EGF: variants seen among roughly 807,000 people sequenced by gnomAD.
EGF encodes pro-epidermal growth factor.
Under a neutral mutation model 143.8 loss-of-function variants are expected in EGF, and 95 were observed. The ratio of observed to expected loss-of-function variants is 0.66; its 90% CI spans 0.56 to 0.78. The LOEUF is 0.78. EGF is among the 30% of genes least tolerant of loss of function. The pLI, the probability that EGF is intolerant of heterozygous loss-of-function variation, is 0.00. For synonymous variants in EGF, 510 were observed against 510.5 expected (o/e 1.00, Z 0.01); for missense variants, 1,320 against 1,470.9 (o/e 0.90, Z 1.68).
rs186353388 is a variant in EGF at position 109,935,169 on chromosome 4, G to T, written c.128-5777G>T. ...ACTTTGGCAGTATGGCCATTTTCAC[G>T]ATATTGATTCTTCCTATCCATGAGC... On this transcript the variant is annotated intron_variant, in intron 1 of 23. Coordinates refer to ENST00000265171, the MANE Select transcript of EGF (RefSeq NM_001963.6). Among the ~76,000 whole-genome samples, 9 of 152,204 alleles carry T rather than the reference G, an allele frequency of 5.9e-5. No homozygotes were observed. In the East Asian group the frequency reaches 1.5e-3, roughly 26 times the overall value.
In EGF at chr4:109,975,933, A is replaced by G; in HGVS notation, c.1830-79A>G. On this transcript the variant is annotated intron_variant, in intron 12 of 23. Transcript: ENST00000265171. ...TTTAGTATATCATGAGGTAATTTAC[A>G]TTGATATTTTCAATGATGAAAGAAC... 6.2e-6 allele frequency: 9 copies of G among 1,459,908 alleles called. No homozygotes were observed. In the South Asian group the frequency reaches 1.0e-4, roughly 17 times the overall value. 90.4% of individuals were successfully genotyped at this position (1,459,908 alleles called of 1,614,324 possible).
intron 10 of EGF, among the ~76,000 whole-genome samples, chr4:109,968,262 C>T (rs1006826938): frequency 1.3e-5 from 2 of 152,080 alleles, no homozygotes; most frequent in Non-Finnish European, 2.9e-5. Context: ...TTAGCAAATA[C>T]CTAGTCTAAC....
Position 109,941,131 on chromosome 4 carries a change from G to T in EGF, c.313G>T (p.Gly105Trp). 1 of 1,613,890 alleles carries T rather than the reference G, an allele frequency of 6.2e-7. No homozygotes were observed. The highest frequency in any genetic ancestry group is 8.5e-7 in the Non-Finnish European group (1 of 1,179,918). ...ACTTTTGCAAAGAGTTTTTCTGAAT[G>T]GGTCAAGGCAAGAGGTAAAATACCC... ...RQLLQRVFLNGSRQERVCNIE... is the reference protein window; with the variant it reads ...RQLLQRVFLNWSRQERVCNIE... The change falls in exon 2 of 24, where the codon GGG (glycine) becomes TGG (tryptophan). Residue 105 changes from glycine (G) to tryptophan (W), a missense_variant. This residue lies in a region of EGF where 41 missense variants were observed against 38.1 expected (regional missense o/e 1.07). Transcript: ENST00000265171.
Position 109,913,088 on chromosome 4 carries a change from C to T in EGF, c.-248C>T. On this transcript the variant is annotated 5_prime_UTR_variant, in exon 1 of 24. Transcript: ENST00000265171. ...TCATAAGGGTGTCAGGTATTTCTTA[C>T]TGGCTTCCAAAGAAACATAGATAAA... 1 of 447,104 alleles carries T rather than the reference C, an allele frequency of 2.2e-6. No homozygotes were observed. Among genetic ancestry groups the T allele is most frequent in the Non-Finnish European group, 4.1e-6 (1 of 242,336 alleles). The allele number at this position is 447,104 out of a possible 1,614,324, so 27.7% of individuals were successfully genotyped here. A position where few individuals can be genotyped will look rare whatever the true frequency, so the allele number is the denominator to read the frequency against.
intron 12 of EGF, 132 bp downstream of exon 12, chr4:109,974,939 A>G (rs1010867817): frequency 3.1e-6 from 2 of 635,822 alleles, no homozygotes; most frequent in Non-Finnish European, 5.6e-6. Context: ...TGAATTCCTC[A>G]TGCTTTTAAT....
chr4:109,979,408 C>T (rs1182841548), intron 13 of EGF, among the ~76,000 whole-genome samples: 1 of 151,504 alleles, frequency 6.6e-6, no homozygotes, highest in African/African-American at 2.4e-5. Flanking sequence ...ATCAGGGGCA[C>T]AGGTCAATAT....
At chr4:110,002,089 A>G (rs1454976486) in intron 21 of EGF, 5 of 965,920 alleles carry the variant, frequency 5.2e-6, no homozygotes, top group Non-Finnish European at 2.5e-6. Context: ...AGACATGCTA[A>G]CTGTTTTTCT....
intron 5 of EGF, among the ~76,000 whole-genome samples, chr4:109,951,835 T>A (rs913879206): frequency 6.6e-6 from 1 of 152,206 alleles, no homozygotes; most frequent in African/African-American, 2.4e-5. Context: ...ACCTTATTTG[T>A]TTTGAGAAGC....
intron 1 of EGF, among the ~76,000 whole-genome samples, chr4:109,930,641 T>C (rs1288576191): frequency 6.6e-6 from 1 of 152,252 alleles, no homozygotes; most frequent in East Asian, 1.9e-4. Flanking sequence ...TAACTAGCTC[T>C]CATGAGTGTT....
At chr4:109,983,098 G>C (rs11569026) in intron 15 of EGF, among the ~76,000 whole-genome samples, 258 of 152,252 alleles carry the variant, frequency 1.7e-3, no homozygotes, top group African/African-American at 5.9e-3. Context: ...TAATAACCGT[G>C]GGCTGTGATT....
At chr4:109,998,983 T>C (rs1246968904) in intron 20 of EGF, among the ~76,000 whole-genome samples, 1 of 152,188 alleles carries the variant, frequency 6.6e-6, no homozygotes, top group African/African-American at 2.4e-5. Context: ...TTGCTTCATT[T>C]ACTTCAAAAA....
chr4:109,932,119 A>G (rs1410702379), intron 1 of EGF, among the ~76,000 whole-genome samples: 1 of 151,876 alleles, frequency 6.6e-6, no homozygotes, highest in Non-Finnish European at 1.5e-5. Context: ...GATAACTACC[A>G]TTGACTAGAC....
intron 6 of EGF, among the ~76,000 whole-genome samples, chr4:109,960,275 G>C (rs1201766562): frequency 6.6e-6 from 1 of 152,172 alleles, no homozygotes; most frequent in East Asian, 1.9e-4. Flanking sequence ...AACTGAAATG[G>C]CATGCTATAT....
chr4:109,918,288 T>C (rs980072760), intron 1 of EGF, among the ~76,000 whole-genome samples: 1 of 145,316 alleles, frequency 6.9e-6, no homozygotes. Context: ...CAAGTAAAGG[T>C]GGGTTATTCA....
intron 1 of EGF, among the ~76,000 whole-genome samples, chr4:109,917,840 G>A (rs1287204861): frequency 6.6e-6 from 1 of 151,860 alleles, no homozygotes; most frequent in Non-Finnish European, 1.5e-5. Context: ...GGCTGGTCTC[G>A]AACTCCTGAC....
At chr4:110,005,299 G>T (rs1048826977) in intron 22 of EGF, among the ~76,000 whole-genome samples, 3 of 151,668 alleles carry the variant, frequency 2.0e-5, no homozygotes, top group African/African-American at 7.2e-5. Flanking sequence ...ACCTGCCCGG[G>T]CCTCTCAAAG....
chr4:109,958,152 T>TA (rs1388243193), intron 5 of EGF, among the ~76,000 whole-genome samples: 1 of 152,220 alleles, frequency 6.6e-6, no homozygotes, highest in African/African-American at 2.4e-5. Context: ...CCATATACTT[T>TA]AAATCATCTC....
chr4:109,913,485 G>A, intron 1 of EGF, 23 bp downstream of exon 1: 2 of 1,611,832 alleles, frequency 1.2e-6, no homozygotes, highest in Non-Finnish European at 1.7e-6. Flanking sequence ...ATGAAAAGGT[G>A]CTCCAGGTCT....
chr4:109,988,846 C>A, intron 18 of EGF, 137 bp downstream of exon 18: 1 of 1,309,534 alleles, frequency 7.6e-7, no homozygotes, highest in Non-Finnish European at 1.1e-6. Context: ...GTTGTGCGAC[C>A]TGCTCAAACT....
Sources: gnomAD v4.1 joint callset for allele counts (sites outside exome capture counted in the v4.1 genomes callset) on GRCh38, gnomAD v4.1.1 for gene constraint, gnomAD v4.1.1 regional missense constraint, MANE v1.5 for transcripts, NCBI Gene and HGNC (gene_info 2026-07-23, HGNC 2026-07-21) for gene names.